NCOA2: variants seen among roughly 807,000 people sequenced by gnomAD.
NCOA2 encodes the protein class E basic helix-loop-helix protein 75.
In NCOA2, 21 loss-of-function variants were observed where a neutral mutation model predicts 145.1. The observed-to-expected ratio is 0.14, with a 90% confidence interval of 0.10 to 0.21. The LOEUF is 0.21. Among genes scored for constraint, NCOA2 ranks in the 10% least tolerant of loss-of-function variants. The probability of loss-of-function intolerance (pLI) is 1.00; values close to 1 mark genes in which losing one functional copy is unlikely to be tolerated. For missense variants in NCOA2, 1,472 were observed against 1,837.6 expected, an observed-to-expected ratio of 0.80 and a Z score of 3.64; for synonymous variants, 619 against 637.5, an observed-to-expected ratio of 0.97 and a Z score of 0.44.
At chr8:70,343,094 C>A (rs748785101) in intron 1 of NCOA2, among the ~76,000 whole-genome samples, 2 of 152,090 alleles carry the variant, frequency 1.3e-5, no homozygotes, top group Non-Finnish European at 2.9e-5. Context: ...ACAGTCATTG[C>A]AAATACATTA....
chr8:70,113,931 C>T (rs1806797825), intron 22 of NCOA2, among the ~76,000 whole-genome samples: 1 of 152,198 alleles, frequency 6.6e-6, no homozygotes, highest in East Asian at 1.9e-4. Flanking sequence ...AATGACCGCT[C>T]TCCAACCAAC....
Position 70,170,241 on chromosome 8 carries a change from G to C in NCOA2, c.502C>G (p.His168Asp). The change falls in exon 6 of 23, where the codon CAC becomes GAC. Residue 168 changes from histidine (H) to aspartate (D), a missense_variant. Physicochemically the swap from His to Asp is moderately conservative, Grantham distance 81. Around this residue, in one of 4 missense-constraint regions of NCOA2, gnomAD observed 284 missense variants for 467.8 expected, o/e 0.61. Coordinates refer to ENST00000452400, the MANE Select transcript of NCOA2 (RefSeq NM_006540.4). ...AGCAGGTTTTTGACAAATTCCGTGT[G>C]GTCCCCAACATGCAAGATGCTATAT... ...SVYSILHVGD[H>D]TEFVKNLLPK... 6.2e-7 allele frequency: 1 copy of C among 1,613,410 alleles called. No individual in the cohort carries two copies. Among genetic ancestry groups the C allele is most frequent in the Non-Finnish European group, 8.5e-7 (1 of 1,179,698 alleles).
At chr8:70,437,761 CA>C in the NCOA2 span, among the ~76,000 whole-genome samples, 1 of 151,968 alleles carries the variant, frequency 6.6e-6, no homozygotes, top group African/African-American at 2.4e-5. Flanking sequence ...AATGAATGTA[CA>C]GCAAAAAATA....
At chr8:70,303,492 T>C (rs951155418) in intron 1 of NCOA2, among the ~76,000 whole-genome samples, 2 of 152,128 alleles carry the variant, frequency 1.3e-5, no homozygotes, top group Admixed American at 6.5e-5. Context: ...ATAAGGACAG[T>C]TTCAATGGAG....
At chr8:70,186,765 T>C (rs751015384) in intron 4 of NCOA2, among the ~76,000 whole-genome samples, 4 of 152,204 alleles carry the variant, frequency 2.6e-5, no homozygotes, top group Non-Finnish European at 5.9e-5. Context: ...GGTAAAACAG[T>C]AGGTGAGAAG....
Position 70,353,228 on chromosome 8 carries a change from C to T in NCOA2, c.-77+50472G>A, listed in dbSNP as rs1163647611. On this transcript the variant is annotated intron_variant, in intron 1 of 22. Transcript: ENST00000452400. ...AACCACCTTAAGATATTTGAAGAAA[C>T]CTAAACCATCCGTAAACATGTGTTT... Among the ~76,000 whole-genome samples, 12 of 151,564 alleles carry T rather than the reference C, an allele frequency of 7.9e-5. 1 individual carries two copies. The South Asian group carries it at 2.1e-3, about 26-fold the overall frequency.
At chr8:70,164,735 T>C (rs540931942) in intron 7 of NCOA2, among the ~76,000 whole-genome samples, 2 of 152,124 alleles carry the variant, frequency 1.3e-5, no homozygotes, top group African/African-American at 4.8e-5. Context: ...AAGACTGAAA[T>C]ATCCAGTAAT....
At chr8:70,252,390 C>T (rs938663945) in intron 2 of NCOA2, among the ~76,000 whole-genome samples, 3 of 152,158 alleles carry the variant, frequency 2.0e-5, no homozygotes, top group African/African-American at 7.2e-5. Context: ...GCCTGGGCAA[C>T]ATAGTGAGAC....
At chr8:70,289,928 G>A (rs1826532364) in intron 2 of NCOA2, among the ~76,000 whole-genome samples, 1 of 152,038 alleles carries the variant, frequency 6.6e-6, no homozygotes, top group Admixed American at 6.6e-5. Context: ...CCAACTCTTG[G>A]GCTCAAGCAA....
intron 4 of NCOA2, among the ~76,000 whole-genome samples, chr8:70,202,595 A>G (rs1818007933): frequency 6.6e-6 from 1 of 152,210 alleles, no homozygotes; most frequent in African/African-American, 2.4e-5. Context: ...CCAATCACAA[A>G]AAGACAAATA....
chr8:70,452,306 A>G, the NCOA2 span, among the ~76,000 whole-genome samples: 11 of 152,216 alleles, frequency 7.2e-5, no homozygotes, highest in African/African-American at 2.7e-4. Flanking sequence ...AGTTCTCCAA[A>G]GAAATAAAAA....
At chr8:70,155,348 G>T (rs1563534804) in intron 11 of NCOA2, among the ~76,000 whole-genome samples, 1 of 152,178 alleles carries the variant, frequency 6.6e-6, no homozygotes, top group East Asian at 1.9e-4. Flanking sequence ...TTCAAAACCA[G>T]TTAAACTCTG....
intron 1 of NCOA2, among the ~76,000 whole-genome samples, chr8:70,323,537 C>G (rs1188281563): frequency 6.6e-6 from 1 of 152,104 alleles, no homozygotes; most frequent in Admixed American, 6.6e-5. Context: ...AGGGTGCTAA[C>G]AGCCTAATCT....
At chr8:70,154,607 C>A (rs1812090304) in intron 11 of NCOA2, among the ~76,000 whole-genome samples, 1 of 152,248 alleles carries the variant, frequency 6.6e-6, no homozygotes, top group South Asian at 2.1e-4. Flanking sequence ...TTTCATCATG[C>A]TGCCCAGGCT....
intron 4 of NCOA2, among the ~76,000 whole-genome samples, chr8:70,183,487 TA>T (rs1294142380): frequency 2.6e-5 from 4 of 152,224 alleles, no homozygotes. Context: ...GTGCAACTTT[TA>T]AAATCTCCTA....
At chr8:70,135,843 C>T (rs1226216590) in intron 15 of NCOA2, among the ~76,000 whole-genome samples, 2 of 152,040 alleles carry the variant, frequency 1.3e-5, no homozygotes, top group Admixed American at 1.3e-4. Flanking sequence ...AAATCCCATA[C>T]CTTAAAGTCT....
At chr8:70,304,014 C>A (rs558666686) in intron 1 of NCOA2, among the ~76,000 whole-genome samples, 45 of 152,202 alleles carry the variant, frequency 3.0e-4, no homozygotes, top group African/African-American at 1.1e-3. Flanking sequence ...AGAAATTCAT[C>A]TTCTCCTTAG....
intron 1 of NCOA2, among the ~76,000 whole-genome samples, chr8:70,313,509 C>T (rs925535930): frequency 6.6e-6 from 1 of 152,078 alleles, no homozygotes; most frequent in Non-Finnish European, 1.5e-5. Flanking sequence ...AGTGGTAACT[C>T]GGGAAGCTGA....
In NCOA2 at chr8:70,261,420, G is replaced by C. The variant is rs535011772; in HGVS notation, c.-20+35324C>G. Among the ~76,000 whole-genome samples, 3 of 152,004 alleles carry C rather than the reference G, an allele frequency of 2.0e-5. No individual in the cohort carries two copies. The South Asian group carries it at 6.3e-4, about 32-fold the overall frequency. On this transcript the variant is annotated intron_variant, in intron 2 of 22. Coordinates refer to ENST00000452400, the MANE Select transcript of NCOA2 (RefSeq NM_006540.4). The stretch of plus-strand genomic sequence containing the variant: ...GAACAATGAGAACACATGGACACAG[G>C]AAGGGGAACATCACACTCTGTGGGG...
Sources: gnomAD v4.1 joint callset for allele counts (sites outside exome capture counted in the v4.1 genomes callset) on GRCh38, gnomAD v4.1.1 for gene constraint, gnomAD v4.1.1 regional missense constraint, MANE v1.5 for transcripts, NCBI Gene and HGNC (gene_info 2026-07-23, HGNC 2026-07-21) for gene names.